EIPR1: variants seen among roughly 807,000 people sequenced by gnomAD.
EIPR1 encodes EARP and GARP complex-interacting protein 1.
A neutral mutation model predicts 48.1 loss-of-function variants in EIPR1; 25 were observed. The ratio of observed to expected loss-of-function variants is 0.52; its 90% confidence interval spans 0.38 to 0.73. The LOEUF is 0.73. Among genes scored for constraint, EIPR1 ranks in the 30% least tolerant of loss-of-function variants. EIPR1 has a pLI of 0.00. For missense variants in EIPR1, 415 were observed against 506.2 expected, an observed-to-expected ratio of 0.82 and a Z score of 1.73; for synonymous variants, 204 against 201.9, an observed-to-expected ratio of 1.01 and a Z score of -0.09.
intron 3 of EIPR1, among the ~76,000 whole-genome samples, chr2:3,330,676 CAT>C (rs748710940): frequency 8.0e-4 from 121 of 151,958 alleles, no homozygotes; most frequent in Middle Eastern, 6.9e-3. Context: ...GGTGCACACA[CAT>C]GAGACAGTGT....
chr2:3,248,535 A>C (rs1337891837), intron 4 of EIPR1, among the ~76,000 whole-genome samples: 1 of 151,952 alleles, frequency 6.6e-6, no homozygotes, highest in Non-Finnish European at 1.5e-5. Flanking sequence ...AAGAGGCTGC[A>C]GTGAGCCGAG....
chr2:3,357,548 C>T (rs1316212116), intron 1 of EIPR1, among the ~76,000 whole-genome samples: 1 of 152,234 alleles, frequency 6.6e-6, no homozygotes, highest in Non-Finnish European at 1.5e-5. Context: ...AGCAGCCATA[C>T]TTCAACCACT....
intron 1 of EIPR1, among the ~76,000 whole-genome samples, chr2:3,362,376 C>G (rs1223083061): frequency 1.3e-5 from 2 of 152,130 alleles, no homozygotes; most frequent in South Asian, 4.1e-4. Flanking sequence ...TTTTCCAGCG[C>G]TCTCCATCCC....
intron 5 of EIPR1, among the ~76,000 whole-genome samples, chr2:3,202,106 T>G (rs1424740961): frequency 6.6e-6 from 1 of 151,886 alleles, no homozygotes; most frequent in Non-Finnish European, 1.5e-5. Flanking sequence ...CCCGGCTAAT[T>G]TTTTGTATTT....
chr2:3,257,784 G>A (rs751163960), intron 3 of EIPR1, among the ~76,000 whole-genome samples: 1 of 152,156 alleles, frequency 6.6e-6, no homozygotes, highest in African/African-American at 2.4e-5. Flanking sequence ...GCAAAATGGG[G>A]GACTAAAGAT....
intron 3 of EIPR1, among the ~76,000 whole-genome samples, chr2:3,277,142 T>C (rs1389752047): frequency 6.6e-6 from 1 of 152,018 alleles, no homozygotes; most frequent in African/African-American, 2.4e-5. Flanking sequence ...CAAAGTGCAA[T>C]GTTGGGGGAG....
rs144738041 is a variant in EIPR1 at position 3,363,884 on chromosome 2, A to C, written c.43-9251T>G. On this transcript the variant is annotated intron_variant, in intron 1 of 8. Coordinates refer to ENST00000382125, the MANE Select transcript of EIPR1 (RefSeq NM_003310.5). The stretch of plus-strand genomic sequence containing the variant: ...ATAGACATTTCTCAAAAGAAGACGC[A>C]CAAATGGCCAACAGGTCTATGAAAA... 2.8e-4 allele frequency among the ~76,000 whole-genome samples: 43 copies of C among 152,188 alleles called. No homozygotes were observed. The East Asian group carries it at 7.5e-3, about 27-fold the overall frequency.
chr2:3,366,223 G>A (rs572782006), intron 1 of EIPR1, among the ~76,000 whole-genome samples: 109 of 152,270 alleles, frequency 7.2e-4, no homozygotes, highest in African/African-American at 1.9e-3. Context: ...CAGGAGAATC[G>A]CTTGAACCCA....
intron 5 of EIPR1, among the ~76,000 whole-genome samples, chr2:3,199,066 C>CA (rs1664914905): frequency 1.8e-5 from 1 of 55,144 alleles, no homozygotes; most frequent in Non-Finnish European, 5.5e-5. Flanking sequence ...AGAGGGCCCC[C>CA]CCCCCGCCCC....
chr2:3,249,891 A>G (rs1351600500), intron 4 of EIPR1, among the ~76,000 whole-genome samples: 1 of 152,226 alleles, frequency 6.6e-6, no homozygotes, highest in African/African-American at 2.4e-5. Context: ...CAACTTCCAC[A>G]TGGTGCTAAG....
intron 3 of EIPR1, among the ~76,000 whole-genome samples, chr2:3,275,512 T>C (rs2444594): frequency 0.68 from 104,113 of 152,036 alleles, 36,021 homozygotes; most frequent in East Asian, 0.81. Flanking sequence ...AAACACAACA[T>C]AATTTTTTTC....
chr2:3,202,536 C>T (rs1665084211), intron 5 of EIPR1, among the ~76,000 whole-genome samples: 1 of 152,204 alleles, frequency 6.6e-6, no homozygotes, highest in African/African-American at 2.4e-5. Context: ...AAGACAGAAA[C>T]ACAAGGTCAC....
Position 3,313,313 on chromosome 2 carries a change from G to A in EIPR1, c.259+24704C>T, listed in dbSNP as rs569983223. ...ATGGATTCTGAGAGGCAGAGACCTG[G>A]AGGAAGAAGATCGAAGGCTGAGAGA... On this transcript the variant is annotated intron_variant, in intron 3 of 8. Transcript: ENST00000382125. Among the ~76,000 whole-genome samples the A allele has an allele frequency of 5.9e-5, 9 of 152,326 alleles. No individual in the cohort carries two copies. In the South Asian group the frequency reaches 1.9e-3, roughly 32 times the overall value.
intron 5 of EIPR1, chr2:3,207,939 T>C (rs914061262): frequency 6.5e-6 from 1 of 152,738 alleles, no homozygotes. Flanking sequence ...AGTAAATCAC[T>C]GACTACATAT....
chr2:3,248,264 A>G (rs1666898249), intron 4 of EIPR1, among the ~76,000 whole-genome samples: 1 of 152,212 alleles, frequency 6.6e-6, no homozygotes, highest in Non-Finnish European at 1.5e-5. Flanking sequence ...CCTGACCAAC[A>G]TGGTGAAACC....
At chr2:3,374,430 G>A (rs1308781732) in intron 1 of EIPR1, among the ~76,000 whole-genome samples, 1 of 151,818 alleles carries the variant, frequency 6.6e-6, no homozygotes, top group African/African-American at 2.4e-5. Flanking sequence ...ACTACCAACA[G>A]AGTGAACAGG....
chr2:3,189,251 T>A lies in EIPR1; in HGVS notation c.*83A>T. ...GAGAGGGATCCACCTGGAACACGAG[T>A]CACCTCCAAAGAGCTGCGACTGTTT... On this transcript the variant is annotated 3_prime_UTR_variant, in exon 9 of 9. Coordinates refer to ENST00000382125, the MANE Select transcript of EIPR1 (RefSeq NM_003310.5). The surrounding 1 kb of genome is among the most constrained non-coding windows in gnomAD (Gnocchi z 4.6). 1 of 1,351,264 alleles carries A rather than the reference T, an allele frequency of 7.4e-7. No individual in the cohort carries two copies. Among genetic ancestry groups the A allele is most frequent in the South Asian group, 1.8e-5 (1 of 54,326 alleles). 83.7% of individuals were successfully genotyped at this position (1,351,264 alleles called of 1,614,324 possible). A position where few individuals can be genotyped will look rare whatever the true frequency, so the allele number is the denominator to read the frequency against.
At chr2:3,218,350 A>G (rs113352304) in intron 4 of EIPR1, among the ~76,000 whole-genome samples, 34 of 126,630 alleles carry the variant, frequency 2.7e-4, no homozygotes, top group African/African-American at 7.3e-4. Context: ...GCCCTGATAC[A>G]CTCTAGAGCT....
intron 6 of EIPR1, among the ~76,000 whole-genome samples, 165 bp downstream of exon 6, chr2:3,196,716 G>A (rs1376202203): frequency 6.6e-6 from 1 of 152,232 alleles, no homozygotes; most frequent in Admixed American, 6.5e-5. Context: ...GCTTAATTTG[G>A]GGTGAAGAAA....
Sources: gnomAD v4.1 joint callset for allele counts (sites outside exome capture counted in the v4.1 genomes callset) on GRCh38, gnomAD v4.1.1 for gene constraint, Gnocchi (gnomAD v3.1) non-coding constraint, MANE v1.5 for transcripts, NCBI Gene and HGNC (gene_info 2026-07-23, HGNC 2026-07-21) for gene names.